The following SLC6A9 variants were observed in gnomAD, a reference collection of about 807,000 sequenced individuals.
The protein encoded by SLC6A9 is sodium- and chloride-dependent glycine transporter 1.
SLC6A9 carries 31 observed loss-of-function variants against 70.9 expected under a neutral mutation model. The ratio of observed to expected loss-of-function variants is 0.44; its 90% CI spans 0.33 to 0.59. The LOEUF (loss-of-function observed/expected upper bound fraction) is 0.59. Among genes scored for constraint, SLC6A9 ranks in the 20% least tolerant of loss-of-function variants. SLC6A9 has a pLI of 0.04. For missense variants in SLC6A9, 631 were observed against 845.2 expected (o/e 0.75, Z 3.14); for synonymous variants, 310 against 341.3 (o/e 0.91, Z 1.01).
chr1:44,007,231 A>G (rs971699096), intron 5 of SLC6A9, among the ~76,000 whole-genome samples: 1 of 152,160 alleles, frequency 6.6e-6, no homozygotes, highest in African/African-American at 2.4e-5. Flanking sequence ...ACCCCTGCAC[A>G]TACCTGGACC....
intron 2 of SLC6A9, chr1:44,015,942 CCT>C (rs901069368): frequency 2.3e-6 from 2 of 869,860 alleles, no homozygotes; most frequent in African/African-American, 1.8e-5. Context: ...TCTCTGGGCA[CCT>C]CTCAGGACTC....
chr1:43,999,625 A>C (rs373014490), intron 12 of SLC6A9, among the ~76,000 whole-genome samples: 1 of 152,146 alleles, frequency 6.6e-6, no homozygotes, highest in East Asian at 1.9e-4. Context: ...CCTGTTTCAA[A>C]GCTGGGCCAG....
In SLC6A9 at chr1:44,018,486, C is replaced by T. The variant is rs2086817141; in HGVS notation, c.30+5762G>A. 1.3e-5 allele frequency among the ~76,000 whole-genome samples: 2 copies of T among 151,790 alleles called. No homozygotes were observed. Among genetic ancestry groups the T allele is most frequent in the Non-Finnish European group, 2.9e-5 (2 of 67,942 alleles). ...GCACATGCCTGTAATCCCAGCTACT[C>T]GGGAGGCTGAGGCGGGAGAATCGCT... On this transcript the variant is annotated intron_variant, in intron 2 of 13. Transcript: ENST00000372310. This position sits in a 1 kb window ranked among gnomAD's most constrained non-coding sequence, Gnocchi z 4.2.
intron 2 of SLC6A9, among the ~76,000 whole-genome samples, chr1:44,019,473 C>T (rs558677843): frequency 1.4e-4 from 21 of 152,378 alleles, no homozygotes; most frequent in African/African-American, 4.8e-4. Flanking sequence ...TTCCCATGGG[C>T]GCAGACTGAG....
chr1:44,017,019 G>A, intron 2 of SLC6A9: 2 of 1,563,876 alleles, frequency 1.3e-6, no homozygotes, highest in Non-Finnish European at 8.6e-7. Context: ...ACCAAGGAGG[G>A]GGCTCAACTT....
At chr1:43,998,328 C>T (rs2085959636) in intron 12 of SLC6A9, among the ~76,000 whole-genome samples, 1 of 152,202 alleles carries the variant, frequency 6.6e-6, no homozygotes, top group Non-Finnish European at 1.5e-5. Context: ...GCTATGGCTC[C>T]CCATGGCTAA....
chr1:44,007,403 C>T (rs1273533309), intron 5 of SLC6A9, among the ~76,000 whole-genome samples: 1 of 152,162 alleles, frequency 6.6e-6, no homozygotes, highest in Non-Finnish European at 1.5e-5. Context: ...TGCCAGCATG[C>T]CCCCAAAGCC....
In SLC6A9 at chr1:44,018,465, A is replaced by G. The variant is rs1404962562; in HGVS notation, c.30+5783T>C. Reference sequence around the variant, plus strand: ...CAAAATTAGCTGGGCGTGGTGGCACATGCCTGTAATCCCAGCTACTCGGGA... The same window carrying G: ...CAAAATTAGCTGGGCGTGGTGGCACGTGCCTGTAATCCCAGCTACTCGGGA... On this transcript the variant is annotated intron_variant, in intron 2 of 13. Coordinates refer to ENST00000372310, the MANE Select transcript of SLC6A9 (RefSeq NM_001024845.3). The surrounding 1 kb of genome is among the most constrained non-coding windows in gnomAD (Gnocchi z 4.2). Among the ~76,000 whole-genome samples, 1 of 152,030 alleles carries G rather than the reference A, an allele frequency of 6.6e-6. No individual in the cohort carries two copies. Among genetic ancestry groups the G allele is most frequent in the Non-Finnish European group, 1.5e-5 (1 of 67,998 alleles).
At position 44,018,396 on chromosome 1, in the gene SLC6A9, A is replaced by T. The variant is rs11805054; in HGVS notation, c.30+5852T>A. ...TCACAAGGTCAGGAGTTTGAGACCAACCTGACCAACATGGTGAGACCAACC... is the reference window on the plus strand; with the variant it reads ...TCACAAGGTCAGGAGTTTGAGACCATCCTGACCAACATGGTGAGACCAACC... On this transcript the variant is annotated intron_variant, in intron 2 of 13. Transcript: ENST00000372310. This position sits in a 1 kb window ranked among gnomAD's most constrained non-coding sequence, Gnocchi z 4.2. 1.3e-5 allele frequency among the ~76,000 whole-genome samples: 2 copies of T among 151,892 alleles called. No homozygotes were observed. The highest frequency in any genetic ancestry group is 3.9e-4 in the East Asian group (2 of 5,168).
intron 3 of SLC6A9, 167 bp from the exon 4 acceptor site, chr1:44,010,263 T>C: frequency 3.2e-6 from 2 of 622,902 alleles, no homozygotes. Context: ...CCCCAGCCTG[T>C]CTTTCAACTT....
chr1:44,030,409 G>A (rs1350814853), intron 1 of SLC6A9: 1 of 152,266 alleles, frequency 6.6e-6, no homozygotes, highest in Non-Finnish European at 1.5e-5. Context: ...CTCCGGGCAA[G>A]CCCCACTCTC....
chr1:44,007,296 C>T (rs1471819490), intron 5 of SLC6A9, among the ~76,000 whole-genome samples: 1 of 152,224 alleles, frequency 6.6e-6, no homozygotes, highest in Non-Finnish European at 1.5e-5. Context: ...CCTGTGAGCT[C>T]CTCAGGACAG....
intron 2 of SLC6A9, chr1:44,011,603 G>C: frequency 6.2e-7 from 1 of 1,614,118 alleles, no homozygotes; most frequent in Non-Finnish European, 8.5e-7. Context: ...GTTGGGGAAG[G>C]AGACCAGAGT....
chr1:43,997,542 T>C lies in SLC6A9; in HGVS notation c.*3A>G. ...GGTGGGGCCACTCCCCTGGCAGCTG[T>C]GCTCATATCCGGGAGTCCTGGAGGC... On this transcript the variant is annotated 3_prime_UTR_variant, in exon 14 of 14. Transcript: ENST00000372310. The surrounding 1 kb of genome is among the most constrained non-coding windows in gnomAD (Gnocchi z 4.4). The C allele has an allele frequency of 6.2e-7, 1 of 1,612,568 alleles. No homozygotes were observed. The highest frequency in any genetic ancestry group is 8.5e-7 in the Non-Finnish European group (1 of 1,179,428).
Position 44,010,114 on chromosome 1 carries a change from G to T in SLC6A9, c.188-18C>A. ...GAAGGCGCCTGGTAGGCAGGGAGAG[G>T]TCTGGCTCAGGAGTGGGCTTGGAGG... On this transcript the variant is annotated intron_variant, in intron 3 of 13. Transcript: ENST00000372310. The T allele has an allele frequency of 6.2e-7, 1 of 1,613,216 alleles. No homozygotes were observed. Among genetic ancestry groups the T allele is most frequent in the African/African-American group, 1.3e-5 (1 of 75,022 alleles).
chr1:44,017,155 C>G, intron 2 of SLC6A9: 1 of 1,605,520 alleles, frequency 6.2e-7, no homozygotes. Context: ...CCAGCTCCAG[C>G]GCGACACTGA....
At position 43,997,143 on chromosome 1, in the gene SLC6A9, C is replaced by A. The variant is rs2085892313; in HGVS notation, c.*402G>T. On this transcript the variant is annotated 3_prime_UTR_variant, in exon 14 of 14. Coordinates refer to ENST00000372310, the MANE Select transcript of SLC6A9 (RefSeq NM_001024845.3). The surrounding 1 kb of genome is among the most constrained non-coding windows in gnomAD (Gnocchi z 4.4). Reference sequence around the variant, plus strand: ...CCCTAGGGAGGAATAGCCAAATGTGCCTGGCAGAGGCTGGGGTCGGCTCTG... The same window carrying A: ...CCCTAGGGAGGAATAGCCAAATGTGACTGGCAGAGGCTGGGGTCGGCTCTG... 1 of 219,072 alleles carries A rather than the reference C, an allele frequency of 4.6e-6. No homozygotes were observed. The highest frequency in any genetic ancestry group is 8.9e-6 in the Non-Finnish European group (1 of 111,914). The allele number at this position is 219,072 out of a possible 1,614,324, so 13.6% of individuals were successfully genotyped here.
At chr1:44,024,034 G>T (rs1326321982) in intron 2 of SLC6A9, among the ~76,000 whole-genome samples, 1 of 152,200 alleles carries the variant, frequency 6.6e-6, no homozygotes, top group Non-Finnish European at 1.5e-5. Flanking sequence ...CACACCTCCT[G>T]CCTTCTGGCA....
At chr1:44,009,927 TTGTG>T (rs2086485386) in intron 4 of SLC6A9, 34 bp downstream of exon 4, 1 of 1,605,624 alleles carries the variant, frequency 6.2e-7, no homozygotes, top group Non-Finnish European at 8.5e-7. Flanking sequence ...CGTTGTGTGT[TTGTG>T]TATGTGTGAG....
Sources: allele counts gnomAD v4.1 joint callset (sites outside exome capture counted in the v4.1 genomes callset), GRCh38; gene constraint gnomAD v4.1.1; non-coding constraint Gnocchi (gnomAD v3.1); transcripts MANE v1.5; gene names NCBI Gene and HGNC (gene_info 2026-07-23, HGNC 2026-07-21).